The following KSR1 variants were observed in gnomAD, a reference collection of about 807,000 sequenced individuals.
The protein encoded by KSR1 is kinase suppressor of ras 1.
In KSR1, 35 loss-of-function variants were observed where a neutral mutation model predicts 92.9. That is an observed-to-expected ratio of 0.38 (90% CI 0.29 to 0.50). KSR1 has a LOEUF of 0.50. Among genes scored for constraint, KSR1 ranks in the 20% least tolerant of loss-of-function variants. The pLI, the probability that KSR1 is intolerant of heterozygous loss-of-function variation, is 0.94. For synonymous variants in KSR1, 467 were observed against 472.6 expected, an observed-to-expected ratio of 0.99 and a Z score of 0.15; for missense variants, 972 against 1,158.5, an observed-to-expected ratio of 0.84 and a Z score of 2.34.
intron 1 of KSR1, among the ~76,000 whole-genome samples, chr17:27,463,464 A>G (rs1307321688): frequency 6.6e-6 from 1 of 150,770 alleles, no homozygotes; most frequent in Non-Finnish European, 1.5e-5. Context: ...CCTGGATGAC[A>G]GAGAAAAAAA....
At chr17:27,546,927 T>G (rs1002504908) in intron 1 of KSR1, among the ~76,000 whole-genome samples, 1 of 152,144 alleles carries the variant, frequency 6.6e-6, no homozygotes, top group Non-Finnish European at 1.5e-5. Context: ...GTGTGTTTGA[T>G]TAGCAGGGTC....
In KSR1 at chr17:27,507,611, C is replaced by T. The variant is rs559949860; in HGVS notation, c.232-42957C>T. 3.1e-5 allele frequency among the ~76,000 whole-genome samples: 3 copies of T among 95,354 alleles called. No homozygotes were observed. In the East Asian group the frequency reaches 1.1e-3, roughly 35 times the overall value. 62.6% of individuals were successfully genotyped at this position (95,354 alleles called of 152,430 possible). A position where few individuals can be genotyped will look rare whatever the true frequency, so the allele number is the denominator to read the frequency against. On this transcript the variant is annotated intron_variant, in intron 1 of 20. Coordinates refer to ENST00000644974, the MANE Select transcript of KSR1 (RefSeq NM_001394583.1). ...TTTTTTTTGAGACAGAATTTCACTC[C>T]TGTTGCCCAGGCTAGAGTGCAATGG...
rs751056798 is a variant in KSR1, at chr17:27,609,279, C to T, written c.2175C>T (p.Val725=). 6.7e-5 allele frequency: 108 copies of T among 1,613,826 alleles called. No homozygotes were observed. The Admixed American group carries it at 6.8e-4, about 10-fold the overall frequency. ...TCTTCTATGACAACGGCAAGGTGGT[C>T]ATCACAGACTTCGGGCTGTTTGGGA... is the stretch of plus-strand genomic sequence containing the variant. ...KNVFYDNGKV[V]ITDFGLFGIS... Residue 725 remains valine, a synonymous_variant, in exon 16 of 21, where the codon GTC becomes GTT. Coordinates refer to ENST00000644974, the MANE Select transcript of KSR1 (RefSeq NM_001394583.1).
At chr17:27,589,914 T>C (rs2073104197) in intron 6 of KSR1, among the ~76,000 whole-genome samples, 1 of 152,242 alleles carries the variant, frequency 6.6e-6, no homozygotes, top group Non-Finnish European at 1.5e-5. Context: ...TCTAGAGATA[T>C]TTTATACAAA....
chr17:27,509,541 G>A lies in KSR1; in HGVS notation c.232-41027G>A, dbSNP rs981568799. The stretch of plus-strand genomic sequence containing the variant: ...CCTGACCTCGTGATCTGCCCACCTC[G>A]GCCTCCCAAAGTGCTAGGATTACAG... On this transcript the variant is annotated intron_variant, in intron 1 of 20. Coordinates refer to ENST00000644974, the MANE Select transcript of KSR1 (RefSeq NM_001394583.1). Among the ~76,000 whole-genome samples the A allele has an allele frequency of 3.9e-5, 6 of 151,966 alleles. No individual in the cohort carries two copies. The East Asian group carries it at 9.7e-4, about 25-fold the overall frequency.
Position 27,590,907 on chromosome 17 carries a change from G to A in KSR1, c.1130+13G>A. ...GCAAGCATTGCAGGTGATGGGAAGAGGAGTGGGGGTGGGGGGAGCAGACAC... is the reference window on the plus strand; with the variant it reads ...GCAAGCATTGCAGGTGATGGGAAGAAGAGTGGGGGTGGGGGGAGCAGACAC... On this transcript the variant is annotated intron_variant, in intron 7 of 20. Transcript: ENST00000644974. The A allele has an allele frequency of 1.2e-6, 2 of 1,605,732 alleles. No individual in the cohort carries two copies. Among genetic ancestry groups the A allele is most frequent in the Non-Finnish European group, 1.7e-6 (2 of 1,175,764 alleles).
intron 20 of KSR1, chr17:27,623,068 T>C: frequency 1.7e-6 from 1 of 579,014 alleles, no homozygotes; most frequent in East Asian, 3.0e-5. Flanking sequence ...CTGAGCATGC[T>C]GGGAGCTTGG....
intron 16 of KSR1, among the ~76,000 whole-genome samples, chr17:27,609,684 G>T (rs959174875): frequency 3.2e-4 from 49 of 152,198 alleles, no homozygotes; most frequent in African/African-American, 1.2e-3. Flanking sequence ...CTCACATCTA[G>T]GGGAACCCAA....
rs147160169 is a variant in KSR1, at chr17:27,584,419, C to A, written c.981-1238C>A. On this transcript the variant is annotated intron_variant, in intron 4 of 20. Coordinates refer to ENST00000644974, the MANE Select transcript of KSR1 (RefSeq NM_001394583.1). ...GGAGGAGAGATCCAGGTGTCACCGA[C>A]CCTGCTGCTCCCACTCGGGCTGTCC... Among the ~76,000 whole-genome samples, 28 of 152,282 alleles carry A rather than the reference C, an allele frequency of 1.8e-4. 1 individual carries two copies. The highest frequency in any genetic ancestry group is 6.7e-4 in the African/African-American group (28 of 41,556).
At chr17:27,603,416 C>T (rs923992390) in intron 11 of KSR1, among the ~76,000 whole-genome samples, 6 of 152,252 alleles carry the variant, frequency 3.9e-5, no homozygotes, top group Admixed American at 2.0e-4. Context: ...TCATTAGTTT[C>T]AAGGGTTGTT....
intron 2 of KSR1, among the ~76,000 whole-genome samples, chr17:27,558,985 CGTCT>C (rs1369587080): frequency 2.0e-5 from 3 of 152,130 alleles, no homozygotes; most frequent in Non-Finnish European, 4.4e-5. Context: ...TGTGTGCAGC[CGTCT>C]GTGTGTGTAA....
At chr17:27,576,207 A>G (rs936574330) in intron 2 of KSR1, among the ~76,000 whole-genome samples, 28 of 152,168 alleles carry the variant, frequency 1.8e-4, no homozygotes, top group African/African-American at 6.5e-4. Flanking sequence ...GATGAAGCCT[A>G]CTTGGATAAT....
intron 1 of KSR1, among the ~76,000 whole-genome samples, chr17:27,524,647 G>A (rs2070181911): frequency 6.6e-6 from 1 of 152,234 alleles, no homozygotes; most frequent in African/African-American, 2.4e-5. Flanking sequence ...AATTGGGGAA[G>A]AGCAAGGAAT....
rs1223485918 is a variant in KSR1, at chr17:27,540,277, C to T, written c.232-10291C>T. 2.6e-5 allele frequency among the ~76,000 whole-genome samples: 4 copies of T among 152,186 alleles called. No individual in the cohort carries two copies. In the East Asian group the frequency reaches 7.7e-4, roughly 29 times the overall value. Reference sequence around the variant, plus strand: ...AGTCATACTCTTAGACAAGTGAGCTCGTTTTGTCTCAGCCTGGGGTTGAAT... The same window carrying T: ...AGTCATACTCTTAGACAAGTGAGCTTGTTTTGTCTCAGCCTGGGGTTGAAT... On this transcript the variant is annotated intron_variant, in intron 1 of 20. Transcript: ENST00000644974.
intron 1 of KSR1, among the ~76,000 whole-genome samples, chr17:27,500,915 A>T (rs2069154721): frequency 6.6e-6 from 1 of 152,222 alleles, no homozygotes; most frequent in African/African-American, 2.4e-5. Context: ...GATCAAGCTT[A>T]TGTGAAGCTC....
chr17:27,613,432 CCTCCCAACAGG>C (rs1304171250), intron 18 of KSR1, among the ~76,000 whole-genome samples: 1 of 152,176 alleles, frequency 6.6e-6, no homozygotes, highest in Non-Finnish European at 1.5e-5. Context: ...AAGAGGGGGT[CCTCCCAACAGG>C]CTCCCATCTC....
chr17:27,532,531 G>A (rs759081915), intron 1 of KSR1, among the ~76,000 whole-genome samples: 12 of 152,208 alleles, frequency 7.9e-5, no homozygotes, highest in Non-Finnish European at 1.3e-4. Context: ...GTGCATCTCC[G>A]CTTCGAGCTG....
At chr17:27,470,391 G>C (rs1414536910) in intron 1 of KSR1, among the ~76,000 whole-genome samples, 2 of 151,272 alleles carry the variant, frequency 1.3e-5, no homozygotes, top group South Asian at 4.2e-4. Flanking sequence ...ACACGTGCCC[G>C]CCACCACGCC....
intron 1 of KSR1, among the ~76,000 whole-genome samples, chr17:27,457,859 C>A (rs903812305): frequency 1.3e-5 from 2 of 152,064 alleles, no homozygotes; most frequent in African/African-American, 4.8e-5. Flanking sequence ...TCCTGCAGGT[C>A]TGGGGATGTT....
Sources: allele counts gnomAD v4.1 joint callset (sites outside exome capture counted in the v4.1 genomes callset), GRCh38; gene constraint gnomAD v4.1.1; transcripts MANE v1.5; gene names NCBI Gene and HGNC (gene_info 2026-07-23, HGNC 2026-07-21).